Variants in RIN2 observed in about 807,000 individuals in gnomAD.
RIN2 encodes RAB5 interacting protein 2.
Under a neutral mutation model 78.0 loss-of-function variants are expected in RIN2, and 36 were observed. That is an observed-to-expected ratio of 0.46 (90% CI 0.35 to 0.61). The LOEUF (loss-of-function observed/expected upper bound fraction) is 0.61. Ranked by LOEUF, RIN2 falls within the 20% of genes least tolerant of loss-of-function variation. The pLI is 0.00. For missense variants in RIN2, 1,087 were observed against 1,159.7 expected, an observed-to-expected ratio of 0.94 and a Z score of 0.91; for synonymous variants, 466 against 466.8, an observed-to-expected ratio of 1.00 and a Z score of 0.02.
chr20:19,758,121 G>C (rs1431867938), upstream of RIN2: 1 of 152,474 alleles, frequency 6.6e-6, no homozygotes, highest in African/African-American at 2.4e-5. Context: ...CCCTACTGCC[G>C]AGGGACGGCC....
rs1392189163 is a variant in RIN2 at position 19,975,887 on chromosome 20, A to G, written c.1762+100A>G. On this transcript the variant is annotated intron_variant, in intron 9 of 12. Coordinates refer to ENST00000255006, the MANE Select transcript of RIN2 (RefSeq NM_018993.4). This position sits in a 1 kb window ranked among gnomAD's most constrained non-coding sequence, Gnocchi z 4.9. ...TTTATGAAGTTTACTCCGAAGTTCA[A>G]AACAACACCCAGCTCCACCTTCTCT... 1 of 1,121,434 alleles carries G rather than the reference A, an allele frequency of 8.9e-7. No homozygotes were observed. Among genetic ancestry groups the G allele is most frequent in the Non-Finnish European group, 1.3e-6 (1 of 759,000 alleles). 69.5% of individuals were successfully genotyped at this position (1,121,434 alleles called of 1,614,324 possible).
At chr20:19,990,736 C>G (rs923602556) in intron 10 of RIN2, among the ~76,000 whole-genome samples, 3 of 152,104 alleles carry the variant, frequency 2.0e-5, no homozygotes, top group African/African-American at 7.2e-5. Flanking sequence ...AGACAGCCCA[C>G]ACATAGCCCC....
chr20:19,886,876 G>A, intron 2 of RIN2: 1 of 650,058 alleles, frequency 1.5e-6, no homozygotes, highest in African/African-American at 1.8e-5. Context: ...GGAAGCGCAG[G>A]TGAAGAGAAG....
At chr20:19,984,029 C>G (rs1220553552) in intron 9 of RIN2, among the ~76,000 whole-genome samples, 1 of 141,424 alleles carries the variant, frequency 7.1e-6, no homozygotes, top group Non-Finnish European at 1.5e-5. Context: ...TCCCTCCCCC[C>G]TCCTCCCACC....
At chr20:19,923,706 T>C (rs2040027013) in intron 3 of RIN2, among the ~76,000 whole-genome samples, 1 of 152,144 alleles carries the variant, frequency 6.6e-6, no homozygotes, top group Admixed American at 6.5e-5. Flanking sequence ...ATAAAGTTAT[T>C]CACAACAAAA....
chr20:19,832,521 C>G (rs1436194996), intron 2 of RIN2, among the ~76,000 whole-genome samples: 2 of 151,698 alleles, frequency 1.3e-5, no homozygotes, highest in East Asian at 1.9e-4. Flanking sequence ...CCAGCCACCT[C>G]TTTCATGTGC....
intron 4 of RIN2, among the ~76,000 whole-genome samples, chr20:19,948,093 A>G (rs1399524453): frequency 1.3e-5 from 2 of 152,240 alleles, no homozygotes; most frequent in African/African-American, 4.8e-5. Flanking sequence ...AGAAGCAAAC[A>G]GGGTACCTTG....
chr20:19,902,779 A>G (rs1161071159), intron 3 of RIN2, among the ~76,000 whole-genome samples: 1 of 152,216 alleles, frequency 6.6e-6, no homozygotes, highest in East Asian at 1.9e-4. Flanking sequence ...ATACTAAAAA[A>G]CATTATTCAT....
chr20:19,836,236 C>T (rs1434677945), intron 2 of RIN2, among the ~76,000 whole-genome samples: 4 of 152,112 alleles, frequency 2.6e-5, no homozygotes, highest in South Asian at 2.1e-4. Context: ...AGTGCTCCAG[C>T]GATTATAACA....
chr20:19,778,748 A>G (rs1438792550), intron 1 of RIN2, among the ~76,000 whole-genome samples: 1 of 152,138 alleles, frequency 6.6e-6, no homozygotes, highest in East Asian at 1.9e-4. Flanking sequence ...GAGGAAGGAC[A>G]CCTGTTCTGA....
intron 9 of RIN2, among the ~76,000 whole-genome samples, chr20:19,976,288 T>C (rs1039108039): frequency 6.6e-6 from 1 of 152,290 alleles, no homozygotes; most frequent in Non-Finnish European, 1.5e-5. Flanking sequence ...GTGGGACAAC[T>C]ACCAACCCCT....
intron 4 of RIN2, among the ~76,000 whole-genome samples, chr20:19,942,931 A>G (rs541929443): frequency 1.6e-4 from 24 of 152,370 alleles, no homozygotes; most frequent in African/African-American, 5.3e-4. Flanking sequence ...CATTGCTGCT[A>G]TATTGGCAAT....
At chr20:19,881,185 A>C (rs1171302784) in intron 2 of RIN2, among the ~76,000 whole-genome samples, 2 of 152,236 alleles carry the variant, frequency 1.3e-5, no homozygotes, top group African/African-American at 4.8e-5. Flanking sequence ...CTCCCTGCTC[A>C]CTAGAGCTGA....
At chr20:19,991,083 T>C (rs1208027184) in intron 10 of RIN2, among the ~76,000 whole-genome samples, 2 of 152,164 alleles carry the variant, frequency 1.3e-5, no homozygotes, top group Admixed American at 6.5e-5. Flanking sequence ...TACGAACTTT[T>C]CTTCTGAGTG....
chr20:19,868,908 T>C (rs147769559), intron 2 of RIN2, among the ~76,000 whole-genome samples: 3,492 of 151,952 alleles, frequency 0.023, 47 homozygotes, highest in Middle Eastern at 0.045. Context: ...TCGTGAAACC[T>C]TGTCTCTACT....
intron 3 of RIN2, among the ~76,000 whole-genome samples, chr20:19,915,245 T>C (rs2039636673): frequency 6.6e-6 from 1 of 152,102 alleles, no homozygotes; most frequent in Non-Finnish European, 1.5e-5. Flanking sequence ...AGGCAGCCAA[T>C]ACATGGTGCA....
rs368137725 is a variant in RIN2 at position 19,958,740 on chromosome 20, G to A, written c.351+1933G>A. Among the ~76,000 whole-genome samples, 4 of 152,218 alleles carry A rather than the reference G, an allele frequency of 2.6e-5. No individual in the cohort carries two copies. In the East Asian group the frequency reaches 5.8e-4, roughly 22 times the overall value. On this transcript the variant is annotated intron_variant, in intron 5 of 12. Transcript: ENST00000255006. The stretch of plus-strand genomic sequence containing the variant: ...ACAAGTTAGCCAGCCATGGTGGCAC[G>A]CACCCATAACCCCAGCTACTCCAGA...
Position 19,850,500 on chromosome 20 carries a change from T to C in RIN2, c.-36-39066T>C, listed in dbSNP as rs185130354. 3.7e-4 allele frequency among the ~76,000 whole-genome samples: 57 copies of C among 152,314 alleles called. 1 individual carries two copies. Among genetic ancestry groups the C allele is most frequent in the Admixed American group, 3.5e-3 (54 of 15,298 alleles). On this transcript the variant is annotated intron_variant, in intron 2 of 12. Coordinates refer to ENST00000255006, the MANE Select transcript of RIN2 (RefSeq NM_018993.4). ...CTTGGCCACTATTGTCTTCTTACCT[T>C]CTGTTTGTAGCAGTCACTGCAATAG...
intron 2 of RIN2, among the ~76,000 whole-genome samples, chr20:19,828,009 C>T (rs1444929756): frequency 6.6e-6 from 1 of 152,074 alleles, no homozygotes; most frequent in African/African-American, 2.4e-5. Flanking sequence ...CCCATATTTG[C>T]ATGCTGCCCA....
Sources: allele counts gnomAD v4.1 joint callset (sites outside exome capture counted in the v4.1 genomes callset), GRCh38; gene constraint gnomAD v4.1.1; non-coding constraint Gnocchi (gnomAD v3.1); transcripts MANE v1.5; gene names NCBI Gene and HGNC (gene_info 2026-07-23, HGNC 2026-07-21).